Variants in GOSR1 observed in about 807,000 individuals in gnomAD.
The protein encoded by GOSR1 is golgi SNAP receptor complex member 1.
A neutral mutation model predicts 35.5 loss-of-function variants in GOSR1; 21 were observed. That is an observed-to-expected ratio of 0.59 (90% confidence interval 0.42 to 0.85). The LOEUF is 0.85. Among genes scored for constraint, GOSR1 ranks in the 40% least tolerant of loss-of-function variants. The pLI, the probability that GOSR1 is intolerant of heterozygous loss-of-function variation, is 0.00. For synonymous variants in GOSR1, 94 were observed against 106.6 expected (o/e 0.88, Z 0.73); for missense variants, 285 against 309.6 (o/e 0.92, Z 0.60).
At chr17:30,477,905 A>G in intron 1 of GOSR1, 3 of 984,988 alleles carry the variant, frequency 3.0e-6, no homozygotes, top group Non-Finnish European at 3.6e-6. Flanking sequence ...GGAAAAGAGA[A>G]GGAGGAACTT....
At chr17:30,486,766 T>C (rs1418823294) in intron 4 of GOSR1, among the ~76,000 whole-genome samples, 1 of 152,190 alleles carries the variant, frequency 6.6e-6, no homozygotes, top group Non-Finnish European at 1.5e-5. Context: ...CATTTATATA[T>C]GAATTAAATA....
At chr17:30,516,451 C>CAG (rs1233772873) in intron 7 of GOSR1, among the ~76,000 whole-genome samples, 2 of 121,066 alleles carry the variant, frequency 1.7e-5, no homozygotes, top group African/African-American at 3.4e-5. Flanking sequence ...GCCTGGGTGA[C>CAG]AGAGCAAGAC....
At chr17:30,486,248 G>A (rs1339066383) in intron 4 of GOSR1, among the ~76,000 whole-genome samples, 1 of 152,064 alleles carries the variant, frequency 6.6e-6, no homozygotes, top group Non-Finnish European at 1.5e-5. Context: ...TGGGCATGGT[G>A]GCTCACACCT....
chr17:30,506,668 A>G (rs568259703), intron 6 of GOSR1, among the ~76,000 whole-genome samples: 9 of 152,260 alleles, frequency 5.9e-5, no homozygotes, highest in Non-Finnish European at 1.2e-4. Context: ...AGGTGGCTCC[A>G]CTAAGCAACA....
chr17:30,490,237 A>T lies in GOSR1; in HGVS notation c.434+20A>T. On this transcript the variant is annotated intron_variant, in intron 5 of 8. Transcript: ENST00000451249. Reference sequence around the variant, plus strand: ...TATTGAGTAAGTTACTTTTTATATTATTTTGTAGAATATTTATTCAGATTT... The same window carrying T: ...TATTGAGTAAGTTACTTTTTATATTTTTTTGTAGAATATTTATTCAGATTT... 1 of 1,125,384 alleles carries T rather than the reference A, an allele frequency of 8.9e-7. No individual in the cohort carries two copies. Among genetic ancestry groups the T allele is most frequent in the Non-Finnish European group, 1.4e-6 (1 of 738,172 alleles). The allele number at this position is 1,125,384 out of a possible 1,614,324, so 69.7% of individuals were successfully genotyped here.
In GOSR1 at chr17:30,522,960, C is replaced by T. The variant is rs901420553; in HGVS notation, c.*582C>T. 7.3e-5 allele frequency: 15 copies of T among 204,424 alleles called. No homozygotes were observed. Among genetic ancestry groups the T allele is most frequent in the Non-Finnish European group, 4.8e-5 (5 of 104,012 alleles). 12.7% of individuals were successfully genotyped at this position (204,424 alleles called of 1,614,324 possible). ...CCTGCCGAGTGCCTGCAATTGCAGG[C>T]GAGCGCCGCCACGCCTGACTGCCTC... On this transcript the variant is annotated 3_prime_UTR_variant, in exon 9 of 9. Transcript: ENST00000451249.
At chr17:30,486,921 CGTT>C (rs1319012248) in intron 4 of GOSR1, among the ~76,000 whole-genome samples, 1 of 152,012 alleles carries the variant, frequency 6.6e-6, no homozygotes, top group African/African-American at 2.4e-5. Context: ...AGGGTTGTAT[CGTT>C]GTTTGTTTAA....
intron 6 of GOSR1, among the ~76,000 whole-genome samples, chr17:30,497,403 A>G (rs1967041117): frequency 6.6e-6 from 1 of 152,208 alleles, no homozygotes; most frequent in South Asian, 2.1e-4. Flanking sequence ...CTTTGAAGCC[A>G]GAGAGTCCTG....
chr17:30,512,452 C>G (rs892894181), intron 7 of GOSR1, among the ~76,000 whole-genome samples: 1 of 152,184 alleles, frequency 6.6e-6, no homozygotes, highest in Non-Finnish European at 1.5e-5. Flanking sequence ...CTCTTTACTC[C>G]TAAATATTTC....
rs11369569 is a variant in GOSR1 at position 30,495,187 on chromosome 17, C to CAA, written c.509+2453_509+2454dup. ...TGTGTGACAGAGCGAGACTCCGGCT[C>CAA]AAAAAAAAAAAAAAAAAAAAGACAT... On this transcript the variant is annotated intron_variant, in intron 6 of 8. Coordinates refer to ENST00000451249, the MANE Select transcript of GOSR1 (RefSeq NM_001007025.2). Among the ~76,000 whole-genome samples the CAA allele has an allele frequency of 3.2e-3, 262 of 80,958 alleles. 9 individuals are homozygous for CAA. The highest frequency in any genetic ancestry group is 0.025 in the Middle Eastern group (3 of 122). 53.1% of individuals were successfully genotyped at this position (80,958 alleles called of 152,430 possible). A position where few individuals can be genotyped will look rare whatever the true frequency, so the allele number is the denominator to read the frequency against.
Position 30,523,633 on chromosome 17 carries a change from CT to C in GOSR1, c.*1256del. On this transcript the variant is annotated 3_prime_UTR_variant, in exon 9 of 9. Coordinates refer to ENST00000451249, the MANE Select transcript of GOSR1 (RefSeq NM_001007025.2). ...CGTCCGGGAGGGAGGTGGGGGGCGCCTCTGCCCGGCCGCCCCTGCCCGGCCG... is the reference window on the plus strand; with the variant it reads ...CGTCCGGGAGGGAGGTGGGGGGCGCCCTGCCCGGCCGCCCCTGCCCGGCCG... The C allele has an allele frequency of 8.0e-6, 1 of 124,254 alleles. No homozygotes were observed. The highest frequency in any genetic ancestry group is 1.6e-5 in the Non-Finnish European group (1 of 62,612). The allele number at this position is 124,254 out of a possible 1,614,324, so 7.7% of individuals were successfully genotyped here.
At chr17:30,502,104 G>T (rs2143788074) in intron 6 of GOSR1, among the ~76,000 whole-genome samples, 1 of 152,298 alleles carries the variant, frequency 6.6e-6, no homozygotes, top group Non-Finnish European at 1.5e-5. Flanking sequence ...AGTCTGTGAA[G>T]GCTACATACT....
rs956330668 is a variant in GOSR1, at chr17:30,524,080, G to C, written c.*1702G>C. ...AAGTACCCAGGGACACAAACACTGC[G>C]GAAGGCGGCAGGGTCCTCTGCCTAG... On this transcript the variant is annotated 3_prime_UTR_variant, in exon 9 of 9. Coordinates refer to ENST00000451249, the MANE Select transcript of GOSR1 (RefSeq NM_001007025.2). The C allele has an allele frequency of 5.7e-6, 1 of 176,804 alleles. No homozygotes were observed. Among genetic ancestry groups the C allele is most frequent in the Non-Finnish European group, 1.1e-5 (1 of 88,420 alleles). The allele number at this position is 176,804 out of a possible 1,614,324, so 11.0% of individuals were successfully genotyped here.
Position 30,522,652 on chromosome 17 carries a change from ATCAAAAACAGAGTTTTCTG to A in GOSR1, c.*276_*294del. ...GTCTCCCTAGGAGGCAGGTAAACCAATCAAAAACAGAGTTTTCTGTGTTTCCATGATAGTGTTGAAGCCT... is the reference window on the plus strand; with the variant it reads ...GTCTCCCTAGGAGGCAGGTAAACCAATGTTTCCATGATAGTGTTGAAGCCT... On this transcript the variant is annotated 3_prime_UTR_variant, in exon 9 of 9. Transcript: ENST00000451249. 1 of 232,976 alleles carries A rather than the reference ATCAAAAACAGAGTTTTCTG, an allele frequency of 4.3e-6. No individual in the cohort carries two copies. The highest frequency in any genetic ancestry group is 5.6e-5 in the Admixed American group (1 of 17,740). The allele number at this position is 232,976 out of a possible 1,614,324, so 14.4% of individuals were successfully genotyped here. A position where few individuals can be genotyped will look rare whatever the true frequency, so the allele number is the denominator to read the frequency against.
intron 5 of GOSR1, among the ~76,000 whole-genome samples, chr17:30,491,404 A>G (rs778251539): frequency 3.3e-5 from 5 of 152,230 alleles, no homozygotes; most frequent in Non-Finnish European, 7.3e-5. Context: ...CCCGCCTGTA[A>G]TCCCAGCACT....
At chr17:30,497,087 A>G (rs1967032550) in intron 6 of GOSR1, among the ~76,000 whole-genome samples, 1 of 152,214 alleles carries the variant, frequency 6.6e-6, no homozygotes, top group Admixed American at 6.5e-5. Flanking sequence ...CATATGTATG[A>G]TAAGAACATA....
At position 30,503,421 on chromosome 17, in the gene GOSR1, T is replaced by C. The variant is rs543376671; in HGVS notation, c.510-7459T>C. On this transcript the variant is annotated intron_variant, in intron 6 of 8. Coordinates refer to ENST00000451249, the MANE Select transcript of GOSR1 (RefSeq NM_001007025.2). Reference sequence around the variant, plus strand: ...GGAAATTTGTTTCTTAATTACAGGCTCTAGATGACTTTATAGAACATCTCT... The same window carrying C: ...GGAAATTTGTTTCTTAATTACAGGCCCTAGATGACTTTATAGAACATCTCT... Among the ~76,000 whole-genome samples the C allele has an allele frequency of 2.0e-5, 3 of 152,354 alleles. No individual in the cohort carries two copies. The South Asian group carries it at 6.2e-4, about 32-fold the overall frequency.
At chr17:30,486,521 A>G (rs1274916014) in intron 4 of GOSR1, among the ~76,000 whole-genome samples, 3 of 146,988 alleles carry the variant, frequency 2.0e-5, no homozygotes, top group Non-Finnish European at 4.5e-5. Flanking sequence ...GACTGTTTCA[A>G]AAAAAAAAAA....
chr17:30,524,485 A>G lies in GOSR1; in HGVS notation c.*2107A>G, dbSNP rs1188123631. 6.6e-6 allele frequency: 1 copy of G among 152,202 alleles called. No homozygotes were observed. Among genetic ancestry groups the G allele is most frequent in the East Asian group, 1.9e-4 (1 of 5,202 alleles). The allele number at this position is 152,202 out of a possible 1,614,324, so 9.4% of individuals were successfully genotyped here. On this transcript the variant is annotated 3_prime_UTR_variant, in exon 9 of 9. Transcript: ENST00000451249. ...ACACTGGGGTTAACTGTATTGCTGG[A>G]AAAACATCAAGAATGACAGTCTTAT...
Sources: gnomAD v4.1 joint callset for allele counts (sites outside exome capture counted in the v4.1 genomes callset) on GRCh38, gnomAD v4.1.1 for gene constraint, MANE v1.5 for transcripts, NCBI Gene and HGNC (gene_info 2026-07-23, HGNC 2026-07-21) for gene names.